CCL8: variants seen among roughly 807,000 people sequenced by gnomAD.
The protein encoded by CCL8 is C-C motif chemokine 8.
CCL8 carries 3 observed loss-of-function variants against 6.6 expected under a neutral mutation model. That is an observed-to-expected ratio of 0.45 (90% CI 0.21 to 1.17). The LOEUF is 1.17. Ranked by LOEUF, CCL8 falls within the 50% of genes most tolerant of loss-of-function variation. The probability of loss-of-function intolerance (pLI) is 0.24; values close to 1 mark genes in which losing one functional copy is unlikely to be tolerated. For synonymous variants in CCL8, 49 were observed against 41.8 expected (o/e 1.17, Z -0.67); for missense variants, 127 against 118.1 (o/e 1.08, Z -0.35).
At position 34,319,519 on chromosome 17, in the gene CCL8, G is replaced by A. The variant is rs143666282; in HGVS notation, c.18G>A (p.Ala6=). The A allele has an allele frequency of 2.5e-5, 40 of 1,613,714 alleles. No individual in the cohort carries two copies. Among genetic ancestry groups the A allele is most frequent in the Middle Eastern group, 1.6e-4 (1 of 6,068 alleles). MKVSA[A]LLCLLLMAAT... Reference sequence around the variant, plus strand: ...CCTCCAAGATGAAGGTTTCTGCAGCGCTTCTGTGCCTGCTGCTCATGGCAG... The same window carrying A: ...CCTCCAAGATGAAGGTTTCTGCAGCACTTCTGTGCCTGCTGCTCATGGCAG... Residue 6 remains alanine (A), a synonymous_variant, in exon 1 of 3, where the codon GCG becomes GCA. Transcript: ENST00000394620.
Position 34,321,034 on chromosome 17 carries a change from A to G in CCL8, c.*127A>G. 1.6e-6 allele frequency: 1 copy of G among 606,234 alleles called. No homozygotes were observed. The highest frequency in any genetic ancestry group is 2.9e-6 in the Non-Finnish European group (1 of 348,090). 37.6% of individuals were successfully genotyped at this position (606,234 alleles called of 1,614,324 possible). A position where few individuals can be genotyped will look rare whatever the true frequency, so the allele number is the denominator to read the frequency against. ...CAAAGAGATTATTTTTAAATAATTT[A>G]AAGCATAATATTTCTTAAAAAGTAT... On this transcript the variant is annotated 3_prime_UTR_variant, in exon 3 of 3. Transcript: ENST00000394620.
In CCL8 at chr17:34,321,042, A is replaced by G. The variant is rs200335290; in HGVS notation, c.*135A>G. 3 of 582,338 alleles carry G rather than the reference A, an allele frequency of 5.2e-6. No homozygotes were observed. Among genetic ancestry groups the G allele is most frequent in the Non-Finnish European group, 9.0e-6 (3 of 335,102 alleles). The allele number at this position is 582,338 out of a possible 1,614,324, so 36.1% of individuals were successfully genotyped here. On this transcript the variant is annotated 3_prime_UTR_variant, in exon 3 of 3. Transcript: ENST00000394620. Reference sequence around the variant, plus strand: ...TTATTTTTAAATAATTTAAAGCATAATATTTCTTAAAAAGTATTTAATTAT... The same window carrying G: ...TTATTTTTAAATAATTTAAAGCATAGTATTTCTTAAAAAGTATTTAATTAT...
chr17:34,319,949 G>A (rs1481950828), intron 1 of CCL8, among the ~76,000 whole-genome samples: 3 of 152,266 alleles, frequency 2.0e-5, no homozygotes, highest in East Asian at 3.9e-4. Context: ...TATGGCATAG[G>A]CTAACTCTAA....
chr17:34,320,526 T>C (rs1286180137), intron 2 of CCL8, 140 bp downstream of exon 2: 2 of 655,028 alleles, frequency 3.1e-6, no homozygotes, highest in East Asian at 2.7e-5. Context: ...ACTCAGTCCA[T>C]GAGAAGGAGT....
chr17:34,319,973 G>A (rs1434794110), intron 1 of CCL8, among the ~76,000 whole-genome samples: 3 of 152,218 alleles, frequency 2.0e-5, no homozygotes, highest in Non-Finnish European at 4.4e-5. Context: ...CCATGAGGAT[G>A]AAAGACTGGG....
At position 34,320,221 on chromosome 17, in the gene CCL8, A is replaced by T. The variant is rs199756917; in HGVS notation, c.77-48A>T. 6.3e-4 allele frequency: 712 copies of T among 1,128,050 alleles called. 1 individual carries two copies. The highest frequency in any genetic ancestry group is 1.6e-3 in the Middle Eastern group (8 of 5,116). The allele number at this position is 1,128,050 out of a possible 1,614,324, so 69.9% of individuals were successfully genotyped here. A position where few individuals can be genotyped will look rare whatever the true frequency, so the allele number is the denominator to read the frequency against. ...TCTCTTCTTTTCCTTACAAATGCAC[A>T]CTTACGGTGGGTCCTAAATGTCTCA... On this transcript the variant is annotated intron_variant, in intron 1 of 2. Coordinates refer to ENST00000394620, the MANE Select transcript of CCL8 (RefSeq NM_005623.3).
intron 2 of CCL8, among the ~76,000 whole-genome samples, 155 bp from the exon 3 acceptor site, chr17:34,320,647 G>C (rs1909491817): frequency 1.3e-5 from 2 of 152,156 alleles, no homozygotes; most frequent in Non-Finnish European, 2.9e-5. Context: ...CTTCCTTCTG[G>C]AGCTTCTTCC....
chr17:34,320,459 C>T (rs1909486188), intron 2 of CCL8, 73 bp downstream of exon 2: 1 of 973,872 alleles, frequency 1.0e-6, no homozygotes, highest in Non-Finnish European at 1.7e-6. Flanking sequence ...GATTCATGTC[C>T]ATATGAGTCG....
In CCL8 at chr17:34,320,850, A is replaced by G. The variant is rs1371524774; in HGVS notation, c.243A>G (p.Arg81=). The G allele has an allele frequency of 1.2e-6, 2 of 1,611,864 alleles. No individual in the cohort carries two copies. The highest frequency in any genetic ancestry group is 2.7e-5 in the African/African-American group (2 of 74,774). ...AGGTCTGTGCTGACCCCAAGGAGAG[A>G]TGGGTCAGGGATTCCATGAAGCATC... ...GKEVCADPKE[R]WVRDSMKHLD... The change falls in exon 3 of 3, where the codon AGA becomes AGG. Residue 81 remains arginine (R), a synonymous_variant. Transcript: ENST00000394620.
rs760867318 is a variant in CCL8, at chr17:34,320,380, C to A, written c.188C>A (p.Ala63Asp). Reference sequence around the variant, plus strand: ...ACCAACATCCAATGTCCCAAGGAAGCTGTGATGTGAGTGGACAGTGCCTGG... The same window carrying A: ...ACCAACATCCAATGTCCCAAGGAAGATGTGATGTGAGTGGACAGTGCCTGG... ...RITNIQCPKE[A>D]VIFKTKRGKE... The change falls in exon 2 of 3, where the codon GCT becomes GAT. Residue 63 changes from alanine to aspartate, a missense_variant. Physicochemically the swap from Ala to Asp is moderately radical, Grantham distance 126 (BLOSUM62 -2). Coordinates refer to ENST00000394620, the MANE Select transcript of CCL8 (RefSeq NM_005623.3). 1 of 1,602,066 alleles carries A rather than the reference C, an allele frequency of 6.2e-7. No individual in the cohort carries two copies. Among genetic ancestry groups the A allele is most frequent in the Non-Finnish European group, 8.6e-7 (1 of 1,169,042 alleles).
intron 1 of CCL8, 43 bp from the exon 2 acceptor site, chr17:34,320,226 C>T (rs151048932): frequency 1.3e-5 from 15 of 1,163,818 alleles, no homozygotes; most frequent in Middle Eastern, 1.9e-4. Flanking sequence ...TGCACACTTA[C>T]GGTGGGTCCT....
In CCL8 at chr17:34,320,879, A is replaced by G. The variant is rs773122884; in HGVS notation, c.272A>G (p.Asp91Gly). 40 of 1,609,776 alleles carry G rather than the reference A, an allele frequency of 2.5e-5. No homozygotes were observed. The highest frequency in any genetic ancestry group is 3.2e-5 in the Non-Finnish European group (38 of 1,178,104). The change falls in exon 3 of 3, where the codon GAC becomes GGC. Residue 91 changes from aspartate to glycine, a missense_variant. Physicochemically the swap from Asp to Gly is moderately conservative, Grantham distance 94. Coordinates refer to ENST00000394620, the MANE Select transcript of CCL8 (RefSeq NM_005623.3). ...GTCAGGGATTCCATGAAGCATCTGG[A>G]CCAAATATTTCAAAATCTGAAGCCA... Reference protein sequence around the residue: ...RWVRDSMKHLDQIFQNLKP With the variant: ...RWVRDSMKHLGQIFQNLKP
rs1304781245 is a variant in CCL8, at chr17:34,319,574, C to A, written c.73C>A (p.Pro25Thr). ...TTTCAGCCCTCAGGGACTTGCTCAG[C>A]CAGGTAAGACCTCTCCCTTTTTAAG... ...ATFSPQGLAQ[P>T]DSVSIPITCC... is the part of the protein sequence containing the mutation. The change falls in exon 1 of 3, where the codon CCA (proline) becomes ACA (threonine). Residue 25 changes from proline (P) to threonine (T), a missense_variant. Coordinates refer to ENST00000394620, the MANE Select transcript of CCL8 (RefSeq NM_005623.3). The A allele has an allele frequency of 1.2e-6, 2 of 1,611,418 alleles. No homozygotes were observed. Among genetic ancestry groups the A allele is most frequent in the East Asian group, 4.5e-5 (2 of 44,862 alleles).
At chr17:34,320,219 A>C (rs778909632) in intron 1 of CCL8, 50 bp from the exon 2 acceptor site, 1 of 1,096,088 alleles carries the variant, frequency 9.1e-7, no homozygotes, top group Non-Finnish European at 1.4e-6. Flanking sequence ...TTACAAATGC[A>C]CACTTACGGT....
intron 1 of CCL8, among the ~76,000 whole-genome samples, 172 bp from the exon 2 acceptor site, chr17:34,320,097 G>A (rs183300202): frequency 1.1e-4 from 17 of 152,276 alleles, no homozygotes; most frequent in African/African-American, 4.1e-4. Flanking sequence ...GGGCCGCAGA[G>A]TTCAATAGAG....
intron 1 of CCL8, among the ~76,000 whole-genome samples, chr17:34,319,950 C>T (rs907286748): frequency 9.9e-5 from 15 of 152,150 alleles, no homozygotes; most frequent in African/African-American, 2.7e-4. Context: ...ATGGCATAGG[C>T]TAACTCTAAA....
rs1391010219 is a variant in CCL8, at chr17:34,320,864, C to A, written c.257C>A (p.Ser86Tyr). 6.2e-7 allele frequency: 1 copy of A among 1,611,190 alleles called. No individual in the cohort carries two copies. The highest frequency in any genetic ancestry group is 8.5e-7 in the Non-Finnish European group (1 of 1,178,758). ...CCCAAGGAGAGATGGGTCAGGGATT[C>A]CATGAAGCATCTGGACCAAATATTT... ...ADPKERWVRDSMKHLDQIFQN... is the reference protein window; with the variant it reads ...ADPKERWVRDYMKHLDQIFQN... The change falls in exon 3 of 3, where the codon TCC becomes TAC. Residue 86 changes from serine to tyrosine, a missense_variant. Physicochemically the swap from Ser to Tyr is moderately radical, Grantham distance 144 (BLOSUM62 -2). Transcript: ENST00000394620.
chr17:34,321,191 G>A lies in CCL8; in HGVS notation c.*284G>A, dbSNP rs1909514968. 3.1e-6 allele frequency: 1 copy of A among 319,134 alleles called. No homozygotes were observed. Among genetic ancestry groups the A allele is most frequent in the East Asian group, 8.9e-5 (1 of 11,188 alleles). 19.8% of individuals were successfully genotyped at this position (319,134 alleles called of 1,614,324 possible). ...AGCTCAACTAAGTTCACGGCAAAAT[G>A]TCATTGTTCTCCCTCCTACCTGTCT... On this transcript the variant is annotated 3_prime_UTR_variant, in exon 3 of 3. Transcript: ENST00000394620.
chr17:34,320,880 C>T lies in CCL8; in HGVS notation c.273C>T (p.Asp91=). 1 of 1,609,146 alleles carries T rather than the reference C, an allele frequency of 6.2e-7. No homozygotes were observed. The highest frequency in any genetic ancestry group is 8.5e-7 in the Non-Finnish European group (1 of 1,177,702). Residue 91 remains aspartate, a synonymous_variant, in exon 3 of 3, where the codon GAC becomes GAT. Coordinates refer to ENST00000394620, the MANE Select transcript of CCL8 (RefSeq NM_005623.3). ...RWVRDSMKHL[D]QIFQNLKP is the part of the protein sequence containing the mutation. Reference sequence around the variant, plus strand: ...TCAGGGATTCCATGAAGCATCTGGACCAAATATTTCAAAATCTGAAGCCAT... The same window carrying T: ...TCAGGGATTCCATGAAGCATCTGGATCAAATATTTCAAAATCTGAAGCCAT...
Sources: gnomAD v4.1 joint callset for allele counts (sites outside exome capture counted in the v4.1 genomes callset) on GRCh38, gnomAD v4.1.1 for gene constraint, MANE v1.5 for transcripts, NCBI Gene and HGNC (gene_info 2026-07-23, HGNC 2026-07-21) for gene names.